Variants in GALNTL6 observed in about 807,000 individuals in gnomAD.
The protein encoded by GALNTL6 is polypeptide N-acetylgalactosaminyltransferase like 6.
In GALNTL6, 46 loss-of-function variants were observed where a neutral mutation model predicts 73.7. The observed-to-expected ratio is 0.62, with a 90% CI of 0.49 to 0.80. The LOEUF (loss-of-function observed/expected upper bound fraction) is 0.80. Among genes scored for constraint, GALNTL6 ranks in the 30% least tolerant of loss-of-function variants. The probability of loss-of-function intolerance (pLI) is 0.00; values close to 1 mark genes in which losing one functional copy is unlikely to be tolerated. For synonymous variants in GALNTL6, 259 were observed against 263.7 expected, an observed-to-expected ratio of 0.98 and a Z score of 0.17; for missense variants, 604 against 755.0, an observed-to-expected ratio of 0.80 and a Z score of 2.34.
intron 5 of GALNTL6, among the ~76,000 whole-genome samples, chr4:172,638,951 CA>C (rs1418747459): frequency 3.3e-5 from 5 of 152,020 alleles, no homozygotes; most frequent in African/African-American, 1.2e-4. Context: ...TGATTAAAAT[CA>C]AGTTGTGCAT....
At chr4:172,674,241 T>A (rs1488923507) in intron 5 of GALNTL6, among the ~76,000 whole-genome samples, 1 of 152,206 alleles carries the variant, frequency 6.6e-6, no homozygotes, top group Non-Finnish European at 1.5e-5. Context: ...TGACCAGACA[T>A]GAAATTCTGG....
At chr4:172,728,675 G>A (rs1735974537) in intron 5 of GALNTL6, among the ~76,000 whole-genome samples, 1 of 152,120 alleles carries the variant, frequency 6.6e-6, no homozygotes, top group African/African-American at 2.4e-5. Context: ...GAATAGTGCT[G>A]CAATAAACAT....
At chr4:172,098,793 T>A (rs1732428522) in intron 2 of GALNTL6, among the ~76,000 whole-genome samples, 1 of 152,174 alleles carries the variant, frequency 6.6e-6, no homozygotes, top group Non-Finnish European at 1.5e-5. Flanking sequence ...GAGACATTTT[T>A]ATAAGTCACA....
chr4:171,854,642 T>C (rs1008401032), intron 2 of GALNTL6, among the ~76,000 whole-genome samples: 2 of 152,186 alleles, frequency 1.3e-5, no homozygotes, highest in Non-Finnish European at 2.9e-5. Flanking sequence ...TTTTCTATTT[T>C]TCTAGAGGCT....
intron 5 of GALNTL6, among the ~76,000 whole-genome samples, chr4:172,366,254 G>A (rs1294933264): frequency 6.6e-6 from 1 of 152,046 alleles, no homozygotes. Context: ...CAGAAAAAAT[G>A]TTTAACTAGT....
At chr4:172,572,595 T>C (rs1343782326) in intron 5 of GALNTL6, among the ~76,000 whole-genome samples, 1 of 152,180 alleles carries the variant, frequency 6.6e-6, no homozygotes, top group Non-Finnish European at 1.5e-5. Context: ...ACTCTAAAAG[T>C]CTTCTCAGTC....
rs374489233 is a variant in GALNTL6 at position 171,824,245 on chromosome 4, T to C, written c.138+9527T>C. Among the ~76,000 whole-genome samples the C allele has an allele frequency of 1.4e-4, 21 of 151,888 alleles. No homozygotes were observed. The East Asian group carries it at 1.5e-3, about 11-fold the overall frequency. ...CCATATATTACAACTGCATCGGAAA[T>C]ATCCTAGGTCATTGCAACAAAAGAA... On this transcript the variant is annotated intron_variant, in intron 2 of 12. Coordinates refer to ENST00000506823, the MANE Select transcript of GALNTL6 (RefSeq NM_001034845.3).
chr4:172,337,731 G>A (rs1347453828), intron 4 of GALNTL6, among the ~76,000 whole-genome samples: 1 of 142,962 alleles, frequency 7.0e-6, no homozygotes, highest in Admixed American at 7.1e-5. Context: ...ACCTTGATCA[G>A]TCTGGTGATT....
intron 2 of GALNTL6, among the ~76,000 whole-genome samples, chr4:172,074,885 T>A (rs955364547): frequency 2.0e-5 from 3 of 152,210 alleles, no homozygotes; most frequent in African/African-American, 7.2e-5. Flanking sequence ...CATGCTAACT[T>A]TTAAAATATG....
chr4:172,912,371 G>T (rs557569104), intron 8 of GALNTL6, among the ~76,000 whole-genome samples: 196 of 152,198 alleles, frequency 1.3e-3, no homozygotes, highest in Non-Finnish European at 2.3e-3. Context: ...GGGACTTGTT[G>T]GACAGTGGGT....
intron 5 of GALNTL6, among the ~76,000 whole-genome samples, chr4:172,348,931 T>A (rs1254445418): frequency 4.6e-5 from 7 of 152,200 alleles, no homozygotes; most frequent in Admixed American, 4.6e-4. Context: ...GCAAATTAGG[T>A]GTTGGCAAAA....
intron 2 of GALNTL6, among the ~76,000 whole-genome samples, chr4:172,157,256 A>G (rs1458025070): frequency 6.6e-6 from 1 of 152,214 alleles, no homozygotes; most frequent in Admixed American, 6.5e-5. Context: ...ATAGAAAACT[A>G]TATCGAGTCT....
intron 5 of GALNTL6, among the ~76,000 whole-genome samples, chr4:172,716,726 A>C (rs916919066): frequency 6.6e-6 from 1 of 152,220 alleles, no homozygotes; most frequent in African/African-American, 2.4e-5. Flanking sequence ...AAAATGCAAA[A>C]ATCACAGCAG....
intron 5 of GALNTL6, among the ~76,000 whole-genome samples, chr4:172,655,902 G>A (rs1377866022): frequency 2.0e-5 from 3 of 152,100 alleles, no homozygotes; most frequent in African/African-American, 7.2e-5. Context: ...GAAAAAGAAG[G>A]ATGAAGAATG....
chr4:172,811,530 T>A (rs1741300124), intron 6 of GALNTL6, among the ~76,000 whole-genome samples: 1 of 152,198 alleles, frequency 6.6e-6, no homozygotes, highest in Admixed American at 6.5e-5. Context: ...GTCAAAGACA[T>A]CTCTGGGGAA....
At chr4:172,478,230 A>G (rs1263962574) in intron 5 of GALNTL6, among the ~76,000 whole-genome samples, 1 of 152,234 alleles carries the variant, frequency 6.6e-6, no homozygotes, top group East Asian at 1.9e-4. Flanking sequence ...AGCAAAAAGA[A>G]CAAAGTTGGA....
chr4:172,493,436 G>A (rs1247679424), intron 5 of GALNTL6, among the ~76,000 whole-genome samples: 2 of 152,150 alleles, frequency 1.3e-5, no homozygotes, highest in Non-Finnish European at 2.9e-5. Context: ...AACAGAAAAA[G>A]TACTTTTACT....
intron 2 of GALNTL6, among the ~76,000 whole-genome samples, chr4:171,907,848 A>G (rs1737343492): frequency 6.6e-6 from 1 of 152,024 alleles, no homozygotes; most frequent in Admixed American, 6.5e-5. Flanking sequence ...CCACATATCT[A>G]CAACTATCTG....
chr4:172,881,809 T>C (rs994800615), intron 7 of GALNTL6, among the ~76,000 whole-genome samples: 4 of 152,198 alleles, frequency 2.6e-5, no homozygotes, highest in Non-Finnish European at 4.4e-5. Flanking sequence ...GTTATCTCTT[T>C]TGCCTCTGAA....
Sources: gnomAD v4.1 joint callset for allele counts (sites outside exome capture counted in the v4.1 genomes callset) on GRCh38, gnomAD v4.1.1 for gene constraint, MANE v1.5 for transcripts, NCBI Gene and HGNC (gene_info 2026-07-23, HGNC 2026-07-21) for gene names.